The following MAML2 variants were observed in gnomAD, a reference collection of about 807,000 sequenced individuals.
MAML2 encodes mastermind like transcriptional coactivator 2, also known as mastermind-like protein 2.
A neutral mutation model predicts 96.1 loss-of-function variants in MAML2; 22 were observed. That is an observed-to-expected ratio of 0.23 (90% CI 0.16 to 0.33). The LOEUF (loss-of-function observed/expected upper bound fraction) is 0.33, where lower values mean the gene tolerates loss of function less well. Ranked by LOEUF, MAML2 falls within the 10% of genes least tolerant of loss-of-function variation. The pLI, the probability that MAML2 is intolerant of heterozygous loss-of-function variation, is 1.00. For missense variants in MAML2, 1,367 were observed against 1,392.4 expected, an observed-to-expected ratio of 0.98 and a Z score of 0.29; for synonymous variants, 561 against 521.3, an observed-to-expected ratio of 1.08 and a Z score of -1.04.
At chr11:96,111,954 A>AG (rs1236972789) in intron 1 of MAML2, among the ~76,000 whole-genome samples, 1 of 150,658 alleles carries the variant, frequency 6.6e-6, no homozygotes, top group Non-Finnish European at 1.5e-5. Context: ...TTTTTTTCTA[A>AG]AAAAAAAAGA....
intron 2 of MAML2, among the ~76,000 whole-genome samples, chr11:96,049,189 G>C (rs557513137): frequency 6.6e-6 from 1 of 152,148 alleles, no homozygotes; most frequent in Non-Finnish European, 1.5e-5. Flanking sequence ...GCAGGGTGGT[G>C]ACTTCAGAAC....
intron 1 of MAML2, among the ~76,000 whole-genome samples, chr11:96,195,710 G>A (rs999496758): frequency 1.3e-5 from 2 of 152,212 alleles, no homozygotes; most frequent in East Asian, 3.8e-4. Flanking sequence ...CGACCTGTGT[G>A]CATATAATTG....
At chr11:96,038,485 T>G (rs779170517) in intron 2 of MAML2, among the ~76,000 whole-genome samples, 1 of 152,264 alleles carries the variant, frequency 6.6e-6, no homozygotes, top group African/African-American at 2.4e-5. Context: ...TGTTTTAAAC[T>G]GGTTCAACTA....
chr11:96,193,018 G>A (rs1861677205), intron 1 of MAML2, among the ~76,000 whole-genome samples: 1 of 152,214 alleles, frequency 6.6e-6, no homozygotes, highest in Non-Finnish European at 1.5e-5. Flanking sequence ...ACCCAAATAA[G>A]TGGTTCAGGA....
rs546483952 is a variant in MAML2 at position 96,197,749 on chromosome 11, T to G, written c.514-104232A>C. On this transcript the variant is annotated intron_variant, in intron 1 of 4. Transcript: ENST00000524717. Reference sequence around the variant, plus strand: ...ACAGGCACATCATTAAATAAGCAATTGCAGCAATTATATTAAGTGCTGGGC... The same window carrying G: ...ACAGGCACATCATTAAATAAGCAATGGCAGCAATTATATTAAGTGCTGGGC... Among the ~76,000 whole-genome samples the G allele has an allele frequency of 2.0e-5, 3 of 152,276 alleles. No individual in the cohort carries two copies. In the South Asian group the frequency reaches 6.2e-4, roughly 32 times the overall value.
chr11:96,326,089 A>C (rs1021770321), intron 1 of MAML2, among the ~76,000 whole-genome samples: 77 of 88,240 alleles, frequency 8.7e-4, no homozygotes, highest in African/African-American at 1.5e-3. Context: ...CTCTCTGTCT[A>C]CCCCGCCCCC....
chr11:96,331,013 G>A (rs1180554839), intron 1 of MAML2, among the ~76,000 whole-genome samples: 1 of 152,198 alleles, frequency 6.6e-6, no homozygotes, highest in African/African-American at 2.4e-5. Context: ...GCTGATGCCT[G>A]GAATCCAGCA....
At chr11:96,332,362 G>A (rs1013007605) in intron 1 of MAML2, among the ~76,000 whole-genome samples, 2 of 152,178 alleles carry the variant, frequency 1.3e-5, no homozygotes, top group African/African-American at 4.8e-5. Context: ...GTCTATGGAA[G>A]ATCAGGTTCC....
chr11:96,014,180 C>T lies in MAML2; in HGVS notation c.2140-22457G>A, dbSNP rs368344558. Among the ~76,000 whole-genome samples the T allele has an allele frequency of 4.6e-5, 7 of 152,274 alleles. No individual in the cohort carries two copies. In the East Asian group the frequency reaches 1.2e-3, roughly 25 times the overall value. ...GGGGACAAGGGAATCTTTCTTGTCT[C>T]AAAAGTATAAAATATGCAATTCTCC... On this transcript the variant is annotated intron_variant, in intron 2 of 4. Transcript: ENST00000524717.
intron 2 of MAML2, among the ~76,000 whole-genome samples, chr11:96,013,623 G>A (rs11021389): frequency 0.16 from 24,059 of 152,072 alleles, 2,140 homozygotes; most frequent in East Asian, 0.33. Context: ...CCTAGCAGTA[G>A]ACACAAAGGC....
intron 1 of MAML2, among the ~76,000 whole-genome samples, chr11:96,168,249 T>C (rs1861223688): frequency 6.6e-6 from 1 of 152,248 alleles, no homozygotes; most frequent in Non-Finnish European, 1.5e-5. Context: ...AAGCAATCAG[T>C]ATAGAATATG....
chr11:96,299,486 A>C (rs1391278129), intron 1 of MAML2, among the ~76,000 whole-genome samples: 2 of 151,824 alleles, frequency 1.3e-5, no homozygotes, highest in African/African-American at 4.8e-5. Flanking sequence ...CAGTTTCTTC[A>C]CTGGAGCAGC....
chr11:96,252,916 A>G (rs563269827), intron 1 of MAML2, among the ~76,000 whole-genome samples: 1 of 152,328 alleles, frequency 6.6e-6, no homozygotes, highest in Non-Finnish European at 1.5e-5. Context: ...TTGCCTGGTT[A>G]AAGGGCGTAA....
chr11:96,009,756 A>G lies in MAML2; in HGVS notation c.2140-18033T>C, dbSNP rs80174786. ...CTGTACTGTTTCTATTTAAATGCAA[A>G]TAATAATTCACAATGTTGTGTAGAG... On this transcript the variant is annotated intron_variant, in intron 2 of 4. Coordinates refer to ENST00000524717, the MANE Select transcript of MAML2 (RefSeq NM_032427.4). 5.6e-3 allele frequency among the ~76,000 whole-genome samples: 853 copies of G among 152,328 alleles called. 8 individuals are homozygous for G. Among genetic ancestry groups the G allele is most frequent in the African/African-American group, 0.02 (813 of 41,574 alleles).
chr11:95,979,664 T>C lies in MAML2; in HGVS notation c.2755A>G (p.Asn919Asp). The change falls in exon 5 of 5, where the codon AAT (asparagine) becomes GAT (aspartate). Residue 919 changes from asparagine (N) to aspartate (D), a missense_variant. By Grantham distance (23) the Asn-to-Asp change is conservative. Coordinates refer to ENST00000524717, the MANE Select transcript of MAML2 (RefSeq NM_032427.4). ...GCTCCAAAAGTGGCTACATTGTTATTATTACTTGGCCCTAAGGTAGGTGGC... is the reference window on the plus strand; with the variant it reads ...GCTCCAAAAGTGGCTACATTGTTATCATTACTTGGCCCTAAGGTAGGTGGC... ...PRPPTLGPSNNNNVATFGAGS... is the reference protein window; with the variant it reads ...PRPPTLGPSNDNNVATFGAGS... 3 of 1,614,008 alleles carry C rather than the reference T, an allele frequency of 1.9e-6. No individual in the cohort carries two copies. The highest frequency in any genetic ancestry group is 2.5e-6 in the Non-Finnish European group (3 of 1,179,886).
intron 2 of MAML2, among the ~76,000 whole-genome samples, chr11:96,075,787 C>A (rs1240378739): frequency 1.3e-5 from 2 of 152,184 alleles, no homozygotes; most frequent in Non-Finnish European, 2.9e-5. Flanking sequence ...ACTGGAAAAG[C>A]TAGTGAGGTT....
At chr11:96,168,898 C>T (rs895451940) in intron 1 of MAML2, among the ~76,000 whole-genome samples, 1 of 152,302 alleles carries the variant, frequency 6.6e-6, no homozygotes. Flanking sequence ...TGGGTTATTT[C>T]ACAAGAATTG....
chr11:96,048,904 T>C (rs1858948854), intron 2 of MAML2, among the ~76,000 whole-genome samples: 1 of 152,358 alleles, frequency 6.6e-6, no homozygotes, highest in Admixed American at 6.5e-5. Context: ...CAGAACAAAG[T>C]AGAAAAGTGC....
chr11:96,028,984 A>G (rs1858568482), intron 2 of MAML2, among the ~76,000 whole-genome samples: 1 of 152,154 alleles, frequency 6.6e-6, no homozygotes, highest in Non-Finnish European at 1.5e-5. Context: ...TGGCAACTGA[A>G]TAACACAGAG....
Sources: gnomAD v4.1 joint callset for allele counts (sites outside exome capture counted in the v4.1 genomes callset) on GRCh38, gnomAD v4.1.1 for gene constraint, MANE v1.5 for transcripts, NCBI Gene and HGNC (gene_info 2026-07-23, HGNC 2026-07-21) for gene names.